The following PMF1 variants were observed in gnomAD, a reference collection of about 807,000 sequenced individuals.
The protein encoded by PMF1 is polyamine-modulated factor 1.
In PMF1, 21 loss-of-function variants were observed where a neutral mutation model predicts 26.7. The observed-to-expected ratio is 0.79, with a 90% CI of 0.56 to 1.13. The LOEUF (loss-of-function observed/expected upper bound fraction) is 1.13. Among genes scored for constraint, PMF1 ranks in the 50% most tolerant of loss-of-function variants. The probability of loss-of-function intolerance (pLI) is 0.00; values close to 1 mark genes in which losing one functional copy is unlikely to be tolerated. For missense variants in PMF1, 266 were observed against 254.9 expected, an observed-to-expected ratio of 1.04 and a Z score of -0.30; for synonymous variants, 105 against 101.0, an observed-to-expected ratio of 1.04 and a Z score of -0.24.
At chr1:156,225,037 TTAC>T (rs1558192156) in intron 1 of PMF1, among the ~76,000 whole-genome samples, 1 of 151,958 alleles carries the variant, frequency 6.6e-6, no homozygotes, top group East Asian at 2.0e-4. Context: ...GTAGCTGGGA[TTAC>T]AGGCGCCTGC....
chr1:156,233,531 A>G (rs1572502208), intron 2 of PMF1, 97 bp from the exon 3 acceptor site: 1 of 1,286,494 alleles, frequency 7.8e-7, no homozygotes, highest in Admixed American at 2.0e-5. Context: ...TAGAACAGAA[A>G]TTAGCCAAAA....
rs756934419 is a variant in PMF1 at position 156,232,332 on chromosome 1, C to T, written c.174C>T (p.Phe58=). The change falls in exon 2 of 5, where the codon TTC becomes TTT. Residue 58 remains phenylalanine, a synonymous_variant. Coordinates refer to ENST00000368277, the MANE Select transcript of PMF1 (RefSeq NM_007221.4). ...TCCTTCCCGCCAGCTACCAGAGATT[C>T]ACTGACTGCTATAAGTGCTTCTACC... ...KLVAAGSYQR[F]TDCYKCFYQL... 6.2e-7 allele frequency: 1 copy of T among 1,614,034 alleles called. No individual in the cohort carries two copies. The highest frequency in any genetic ancestry group is 1.3e-5 in the African/African-American group (1 of 75,040).
intron 1 of PMF1, among the ~76,000 whole-genome samples, chr1:156,225,969 CT>C (rs1658351746): frequency 6.6e-6 from 1 of 151,954 alleles, no homozygotes; most frequent in African/African-American, 2.4e-5. Flanking sequence ...ATTCTTCTGC[CT>C]CAGCCTGCCA....
At chr1:156,213,467 T>A (rs1371455213) in intron 1 of PMF1, among the ~76,000 whole-genome samples, 1 of 152,016 alleles carries the variant, frequency 6.6e-6, no homozygotes, top group Non-Finnish European at 1.5e-5. Context: ...TAGAGCAGGG[T>A]TTTTTATTTT....
intron 1 of PMF1, among the ~76,000 whole-genome samples, chr1:156,213,871 A>G (rs1657534781): frequency 6.6e-6 from 1 of 152,166 alleles, no homozygotes; most frequent in Non-Finnish European, 1.5e-5. Context: ...ATGTGTTACC[A>G]TGAAAAGAAA....
At chr1:156,231,820 GC>G (rs1373227911) in intron 1 of PMF1, among the ~76,000 whole-genome samples, 1 of 152,182 alleles carries the variant, frequency 6.6e-6, no homozygotes, top group African/African-American at 2.4e-5. Context: ...TCAGGCCAGG[GC>G]CCCCATGGTT....
chr1:156,223,541 C>A (rs1177974068), intron 1 of PMF1: 1 of 152,142 alleles, frequency 6.6e-6, no homozygotes, highest in Non-Finnish European at 1.5e-5. Flanking sequence ...GATAATAGAA[C>A]CCCGCCTCAC....
chr1:156,223,056 C>T (rs1658171366), intron 1 of PMF1, among the ~76,000 whole-genome samples: 1 of 152,124 alleles, frequency 6.6e-6, no homozygotes, highest in Admixed American at 6.5e-5. Context: ...CTATAAATGC[C>T]CTGGAAATAT....
intron 1 of PMF1, among the ~76,000 whole-genome samples, chr1:156,225,275 T>G (rs1283487164): frequency 7.4e-6 from 1 of 135,728 alleles, no homozygotes; most frequent in Non-Finnish European, 1.5e-5. Context: ...GTCACTCCAG[T>G]CCTCAGCTTT....
chr1:156,215,799 C>T (rs1195739771), intron 1 of PMF1, among the ~76,000 whole-genome samples: 1 of 152,080 alleles, frequency 6.6e-6, no homozygotes, highest in African/African-American at 2.4e-5. Context: ...AGCGATTCTC[C>T]TGTCTCAGCC....
intron 1 of PMF1, chr1:156,220,628 ATG>A (rs150536927): frequency 4.0e-5 from 6 of 150,660 alleles, no homozygotes; most frequent in Admixed American, 6.6e-5. Context: ...ATATACATGT[ATG>A]TGTGTGTGTG....
intron 1 of PMF1, among the ~76,000 whole-genome samples, chr1:156,229,908 G>A (rs979687932): frequency 6.6e-6 from 1 of 152,178 alleles, no homozygotes; most frequent in African/African-American, 2.4e-5. Flanking sequence ...GTCAGTTTAT[G>A]TAATTTAATT....
At chr1:156,226,495 C>T (rs1658378616) in intron 1 of PMF1, among the ~76,000 whole-genome samples, 1 of 152,236 alleles carries the variant, frequency 6.6e-6, no homozygotes. Context: ...CACCTGCCTT[C>T]CACCCGGGAG....
intron 4 of PMF1, chr1:156,236,700 G>C (rs1051094378): frequency 1.5e-6 from 1 of 649,360 alleles, no homozygotes; most frequent in Non-Finnish European, 2.6e-6. Context: ...ACCAGGCACA[G>C]GCATGTGTTC....
chr1:156,228,256 A>AGTTTTTTTTTT, intron 1 of PMF1, among the ~76,000 whole-genome samples: 2 of 33,566 alleles, frequency 6.0e-5, no homozygotes, highest in South Asian at 2.7e-3. Flanking sequence ...GCACCTGGCG[A>AGTTTTTTTTTT]TTTTTTTTTT....
chr1:156,235,435 A>ATTTTTT (rs36002644), intron 3 of PMF1, among the ~76,000 whole-genome samples: 2 of 69,086 alleles, frequency 2.9e-5, no homozygotes, highest in African/African-American at 5.2e-5. Flanking sequence ...TTGAAAAATA[A>ATTTTTT]TTTTTTTTTT....
intron 4 of PMF1, among the ~76,000 whole-genome samples, chr1:156,237,779 G>C (rs57552280): frequency 0.026 from 3,624 of 139,246 alleles, 165 homozygotes; most frequent in African/African-American, 0.092. Context: ...TTGTTTTTGA[G>C]ACAGTCTTGC....
intron 1 of PMF1, among the ~76,000 whole-genome samples, chr1:156,227,507 T>TA (rs199606103): frequency 0.04 from 5,996 of 150,622 alleles, 429 homozygotes; most frequent in African/African-American, 0.14. Context: ...TTATTTTATT[T>TA]TTTTTTTGAG....
chr1:156,232,192 G>A, intron 1 of PMF1, 128 bp from the exon 2 acceptor site: 1 of 788,682 alleles, frequency 1.3e-6, no homozygotes, highest in Non-Finnish European at 2.1e-6. Flanking sequence ...TGCATCCACT[G>A]GCTTTAACCA....
Sources: allele counts gnomAD v4.1 joint callset (sites outside exome capture counted in the v4.1 genomes callset), GRCh38; gene constraint gnomAD v4.1.1; transcripts MANE v1.5; gene names NCBI Gene and HGNC (gene_info 2026-07-23, HGNC 2026-07-21).